LHCGR: variants seen among roughly 807,000 people sequenced by gnomAD.
LHCGR encodes luteinizing hormone/choriogonadotropin receptor.
Under a neutral mutation model 60.7 loss-of-function variants are expected in LHCGR, and 55 were observed. That is an observed-to-expected ratio of 0.91 (90% CI 0.73 to 1.13). LHCGR has a LOEUF of 1.13. LHCGR is among the 50% of genes most tolerant of loss of function. LHCGR has a pLI of 0.00. For missense variants in LHCGR, 862 were observed against 836.0 expected (o/e 1.03, Z -0.38); for synonymous variants, 337 against 316.5 (o/e 1.06, Z -0.69).
At chr2:48,719,846 G>A (rs1483525567) in intron 6 of LHCGR, among the ~76,000 whole-genome samples, 1 of 152,214 alleles carries the variant, frequency 6.6e-6, no homozygotes, top group Admixed American at 6.5e-5. Context: ...TAATTAGAGA[G>A]TTGAACTTTA....
intron 7 of LHCGR, among the ~76,000 whole-genome samples, chr2:48,710,561 A>G (rs1667930023): frequency 6.6e-6 from 1 of 152,234 alleles, no homozygotes; most frequent in African/African-American, 2.4e-5. Context: ...CACTTTTGAG[A>G]ATTCTCCCAA....
At chr2:48,719,461 C>T (rs1322852677) in intron 6 of LHCGR, among the ~76,000 whole-genome samples, 2 of 152,094 alleles carry the variant, frequency 1.3e-5, no homozygotes, top group African/African-American at 4.8e-5. Context: ...ATGACCTTTC[C>T]ATTTCTTTGT....
At chr2:48,720,244 C>G (rs187516417) in intron 6 of LHCGR, 182 of 152,270 alleles carry the variant, frequency 1.2e-3, no homozygotes, top group African/African-American at 4.1e-3. Context: ...CTTTGAGTCT[C>G]GTGGGGTGGC....
chr2:48,710,603 C>T (rs1331952658), intron 7 of LHCGR, among the ~76,000 whole-genome samples: 2 of 152,204 alleles, frequency 1.3e-5, no homozygotes, highest in African/African-American at 4.8e-5. Context: ...GAAGCACAGG[C>T]AGGATGACCT....
At position 48,688,816 on chromosome 2, in the gene LHCGR, A is replaced by G. The variant is rs754148623; in HGVS notation, c.981T>C (p.Ser327=). 6.2e-7 allele frequency: 1 copy of G among 1,614,114 alleles called. No homozygotes were observed. The highest frequency in any genetic ancestry group is 1.1e-5 in the South Asian group (1 of 91,074). ...YSSMLAESEL[S]GWDYEYGFCL... ...AGAAACCATATTCATAGTCCCAGCC[A>G]CTCAGTTCACTCTCAGCAAGCATGG... is the stretch of plus-strand genomic sequence containing the variant. Residue 327 remains serine (S), a synonymous_variant, in exon 11 of 11, where the codon AGT becomes AGC. Coordinates refer to ENST00000294954, the MANE Select transcript of LHCGR (RefSeq NM_000233.4). This position sits in a 1 kb window ranked among gnomAD's most constrained non-coding sequence, Gnocchi z 5.2.
chr2:48,724,375 C>A (rs1043778154), intron 4 of LHCGR, among the ~76,000 whole-genome samples: 3 of 152,190 alleles, frequency 2.0e-5, no homozygotes, highest in Non-Finnish European at 4.4e-5. Context: ...GTCTAGGCAT[C>A]TGGATTTCCC....
At chr2:48,689,477 T>G (rs998742945) in intron 10 of LHCGR, among the ~76,000 whole-genome samples, 1 of 152,306 alleles carries the variant, frequency 6.6e-6, no homozygotes, top group African/African-American at 2.4e-5. Flanking sequence ...AGTCCCTAGC[T>G]AATCAAATAG....
chr2:48,736,304 G>A (rs528831429), intron 1 of LHCGR, among the ~76,000 whole-genome samples: 51 of 152,158 alleles, frequency 3.4e-4, no homozygotes, highest in African/African-American at 7.9e-4. Flanking sequence ...CCTTGCCTCC[G>A]GGTGGGACTA....
intron 7 of LHCGR, among the ~76,000 whole-genome samples, chr2:48,712,917 C>T (rs866866216): frequency 1.1e-4 from 16 of 152,154 alleles, no homozygotes; most frequent in East Asian, 1.9e-4. Context: ...AGCCACCAAA[C>T]GATATAGCAC....
At chr2:48,690,213 G>T (rs1680158619) in intron 10 of LHCGR, among the ~76,000 whole-genome samples, 1 of 152,156 alleles carries the variant, frequency 6.6e-6, no homozygotes, top group South Asian at 2.1e-4. Flanking sequence ...TCATTGTGAT[G>T]ACTTCCAAGG....
Position 48,688,352 on chromosome 2 carries a change from T to C in LHCGR, c.1445A>G (p.His482Arg), listed in dbSNP as rs1390057503. 1 of 1,614,136 alleles carries C rather than the reference T, an allele frequency of 6.2e-7. No individual in the cohort carries two copies. Among genetic ancestry groups the C allele is most frequent in the Non-Finnish European group, 8.5e-7 (1 of 1,180,026 alleles). Residue 482 changes from histidine to arginine, a missense_variant, in exon 11 of 11, where the codon CAT (histidine) becomes CGT (arginine). Coordinates refer to ENST00000294954, the MANE Select transcript of LHCGR (RefSeq NM_000233.4). This position sits in a 1 kb window ranked among gnomAD's most constrained non-coding sequence, Gnocchi z 5.2. The stretch of plus-strand genomic sequence containing the variant: ...TCCTCCAAGCATAATCAGAATGGCA[T>C]GTCTTAATCGCAGCTTTTGGTCCAG... ...IHLDQKLRLR[H>R]AILIMLGGWL...
rs542552185 is a variant in LHCGR, at chr2:48,701,897, T to C, written c.681-3097A>G. The stretch of plus-strand genomic sequence containing the variant: ...GAACTTTTCTCATTGTAAAATGACA[T>C]GCCTGTTTATTGCTTTGCGTTTGTT... On this transcript the variant is annotated intron_variant, in intron 8 of 10. Transcript: ENST00000294954. 1.4e-4 allele frequency among the ~76,000 whole-genome samples: 21 copies of C among 152,358 alleles called. 1 individual carries two copies. The South Asian group carries it at 4.3e-3, about 32-fold the overall frequency.
chr2:48,727,395 G>T (rs1482495107), intron 3 of LHCGR, among the ~76,000 whole-genome samples: 1 of 152,218 alleles, frequency 6.6e-6, no homozygotes, highest in Non-Finnish European at 1.5e-5. Flanking sequence ...GAATACAGCT[G>T]TGAACAAAGC....
intron 4 of LHCGR, among the ~76,000 whole-genome samples, chr2:48,723,978 G>A (rs1668614362): frequency 6.6e-6 from 1 of 152,144 alleles, no homozygotes; most frequent in South Asian, 2.1e-4. Context: ...TATATTTGTA[G>A]CCTGTCTTTT....
intron 1 of LHCGR, among the ~76,000 whole-genome samples, chr2:48,745,702 G>C (rs1285586111): frequency 8.4e-6 from 1 of 118,780 alleles, no homozygotes; most frequent in Admixed American, 9.4e-5. Context: ...GTTGTGGGGT[G>C]GGGGGAGGGG....
In LHCGR at chr2:48,694,134, C is replaced by T. The variant is rs1429931891; in HGVS notation, c.947+90G>A. ...CTTTGCAACAGCTCCGTAACCAAGA[C>T]TTGTATCAAAAGAAAATAATTGATG... On this transcript the variant is annotated intron_variant, in intron 10 of 10. Transcript: ENST00000294954. 6.9e-6 allele frequency: 6 copies of T among 868,248 alleles called. No individual in the cohort carries two copies. The East Asian group carries it at 1.6e-4, about 23-fold the overall frequency. 53.8% of individuals were successfully genotyped at this position (868,248 alleles called of 1,614,324 possible).
At chr2:48,736,152 C>A (rs1319863788) in intron 1 of LHCGR, among the ~76,000 whole-genome samples, 1 of 152,104 alleles carries the variant, frequency 6.6e-6, no homozygotes, top group Non-Finnish European at 1.5e-5. Flanking sequence ...TGTAAATTAC[C>A]CAGTCTTGGG....
intron 3 of LHCGR, among the ~76,000 whole-genome samples, chr2:48,728,633 A>G (rs906360857): frequency 2.6e-5 from 4 of 152,160 alleles, no homozygotes; most frequent in Admixed American, 2.6e-4. Context: ...TTTTGGGGAA[A>G]TGATACTTTG....
intron 4 of LHCGR, among the ~76,000 whole-genome samples, chr2:48,724,842 T>C (rs1256210223): frequency 2.0e-5 from 3 of 152,154 alleles, no homozygotes; most frequent in African/African-American, 4.8e-5. Flanking sequence ...GCAGCTCTTA[T>C]AGAAGGCCCC....
Sources: allele counts gnomAD v4.1 joint callset (sites outside exome capture counted in the v4.1 genomes callset), GRCh38; gene constraint gnomAD v4.1.1; non-coding constraint Gnocchi (gnomAD v3.1); transcripts MANE v1.5; gene names NCBI Gene and HGNC (gene_info 2026-07-23, HGNC 2026-07-21).